PRKN: variants seen among roughly 807,000 people sequenced by gnomAD.
The protein encoded by PRKN is E3 ubiquitin-protein ligase parkin.
Under a neutral mutation model 59.5 loss-of-function variants are expected in PRKN, and 56 were observed. The ratio of observed to expected loss-of-function variants is 0.94; its 90% confidence interval spans 0.76 to 1.18. PRKN has a LOEUF of 1.18. Ranked by LOEUF, PRKN falls within the 50% of genes most tolerant of loss-of-function variation. PRKN has a pLI of 0.00. For missense variants in PRKN, 657 were observed against 596.4 expected, an observed-to-expected ratio of 1.10 and a Z score of -1.06; for synonymous variants, 250 against 222.1, an observed-to-expected ratio of 1.13 and a Z score of -1.12.
intron 2 of PRKN, among the ~76,000 whole-genome samples, chr6:162,266,298 TTGTGTGTGTGTGTGTGTGTG>T (rs60841593): frequency 2.7e-5 from 4 of 146,094 alleles, no homozygotes; most frequent in African/African-American, 1.0e-4. Flanking sequence ...TACATATATA[TTGTGTGTGTGTGTGTGTGTG>T]TGTGTGTGTG....
chr6:161,417,254 A>G lies in PRKN; in HGVS notation c.1084-30377T>C, dbSNP rs1307324462. On this transcript the variant is annotated intron_variant, in intron 9 of 11. Transcript: ENST00000366898. The surrounding 1 kb of genome is among the most constrained non-coding windows in gnomAD (Gnocchi z 5.4). ...ATCACGAGGTCAAGAGATCAAGACCATTCTGGTCAACATGGTGAAACCCTG... is the reference window on the plus strand; with the variant it reads ...ATCACGAGGTCAAGAGATCAAGACCGTTCTGGTCAACATGGTGAAACCCTG... Among the ~76,000 whole-genome samples the G allele has an allele frequency of 6.6e-6, 1 of 152,156 alleles. No homozygotes were observed. The highest frequency in any genetic ancestry group is 2.4e-5 in the African/African-American group (1 of 41,428).
Position 161,360,218 on chromosome 6 carries a change from A to C in PRKN, c.1168-13T>G. On this transcript the variant is annotated splice_polypyrimidine_tract_variant and intron_variant, in intron 10 of 11. Coordinates refer to ENST00000366898, the MANE Select transcript of PRKN (RefSeq NM_004562.3). The surrounding 1 kb of genome is among the most constrained non-coding windows in gnomAD (Gnocchi z 5.1). ...CGACTCTGTAGGCCTGGGGAAACAA[A>C]GAGGAAAGGCGTTTAATCTCAGCTT... 1 of 1,587,000 alleles carries C rather than the reference A, an allele frequency of 6.3e-7. No individual in the cohort carries two copies. The highest frequency in any genetic ancestry group is 1.1e-5 in the South Asian group (1 of 90,584).
At chr6:162,119,087 A>G (rs973096515) in intron 4 of PRKN, among the ~76,000 whole-genome samples, 1 of 152,220 alleles carries the variant, frequency 6.6e-6, no homozygotes, top group African/African-American at 2.4e-5. Context: ...TCTACTTCAG[A>G]ATAGATACCT....
intron 2 of PRKN, among the ~76,000 whole-genome samples, chr6:162,342,103 C>A (rs1406050589): frequency 6.6e-6 from 1 of 152,066 alleles, no homozygotes; most frequent in Non-Finnish European, 1.5e-5. Flanking sequence ...ATTGCTAAAT[C>A]CTCTTTGTGA....
chr6:162,262,846 C>T, intron 2 of PRKN, 81 bp from the exon 3 acceptor site: 1 of 1,551,054 alleles, frequency 6.4e-7, no homozygotes, highest in Non-Finnish European at 8.7e-7. Flanking sequence ...TTAACTTGCC[C>T]TCCGTGGTAG....
chr6:162,331,196 C>A (rs1292467813), intron 2 of PRKN, among the ~76,000 whole-genome samples: 1 of 151,028 alleles, frequency 6.6e-6, no homozygotes, highest in Admixed American at 6.6e-5. Flanking sequence ...CAGGAGAATT[C>A]TATCACAAGA....
intron 3 of PRKN, among the ~76,000 whole-genome samples, chr6:162,241,512 G>C (rs182480369): frequency 1.6e-4 from 25 of 152,134 alleles, no homozygotes; most frequent in Non-Finnish European, 2.9e-4. Flanking sequence ...AGTGGTTAAA[G>C]TGTTTTAAGA....
At chr6:162,223,869 T>C (rs1181195032) in intron 3 of PRKN, among the ~76,000 whole-genome samples, 1 of 152,148 alleles carries the variant, frequency 6.6e-6, no homozygotes, top group African/African-American at 2.4e-5. Flanking sequence ...CGTTTTGTAA[T>C]ATGAGATAGG....
At position 161,429,006 on chromosome 6, in the gene PRKN, G is replaced by T. The variant is rs1788523876; in HGVS notation, c.1084-42129C>A. On this transcript the variant is annotated intron_variant, in intron 9 of 11. Transcript: ENST00000366898. The surrounding 1 kb of genome is among the most constrained non-coding windows in gnomAD (Gnocchi z 4.2). ...CTCAGGTCAGCTGGTTCAAGAAGGG[G>T]GAAAGTTTTGCTCATGTCCAAGAGA... 6.6e-6 allele frequency among the ~76,000 whole-genome samples: 1 copy of T among 152,092 alleles called. No homozygotes were observed. Among genetic ancestry groups the T allele is most frequent in the Non-Finnish European group, 1.5e-5 (1 of 68,038 alleles).
At chr6:162,541,640 C>G (rs181386685) in intron 1 of PRKN, among the ~76,000 whole-genome samples, 86 of 152,258 alleles carry the variant, frequency 5.6e-4, no homozygotes, top group African/African-American at 1.9e-3. Context: ...GCCCAAAGAG[C>G]ATTCTCAGAA....
intron 6 of PRKN, among the ~76,000 whole-genome samples, chr6:161,861,942 C>T (rs1793921258): frequency 6.6e-6 from 1 of 152,190 alleles, no homozygotes; most frequent in Non-Finnish European, 1.5e-5. Flanking sequence ...TCTAACACGA[C>T]TGTGCTTGCT....
chr6:161,587,678 C>T (rs1781568150), intron 7 of PRKN, among the ~76,000 whole-genome samples: 1 of 151,794 alleles, frequency 6.6e-6, no homozygotes, highest in Non-Finnish European at 1.5e-5. Context: ...TTTTGGGAAA[C>T]AGGTAGTATC....
Position 161,879,341 on chromosome 6 carries a change from C to CTTTTTTTT in PRKN, c.735-93441_735-93434dup, listed in dbSNP as rs72163881. ...TGTATGGTCATTATGACATTTCTGC[C>CTTTTTTTT]TTTTTTTTTTTTTTTTTTTTGAGAT... On this transcript the variant is annotated intron_variant, in intron 6 of 11. Coordinates refer to ENST00000366898, the MANE Select transcript of PRKN (RefSeq NM_004562.3). Among the ~76,000 whole-genome samples, 6 of 112,258 alleles carry CTTTTTTTT rather than the reference C, an allele frequency of 5.3e-5. 1 individual carries two copies. Among genetic ancestry groups the CTTTTTTTT allele is most frequent in the African/African-American group, 2.2e-4 (6 of 27,804 alleles). The allele number at this position is 112,258 out of a possible 152,430, so 73.6% of individuals were successfully genotyped here.
rs1780491830 is a variant in PRKN, at chr6:161,562,450, A to G, written c.933+6905T>C. 1.3e-5 allele frequency among the ~76,000 whole-genome samples: 2 copies of G among 152,178 alleles called. No individual in the cohort carries two copies. The highest frequency in any genetic ancestry group is 4.1e-4 in the South Asian group (2 of 4,832). On this transcript the variant is annotated intron_variant, in intron 8 of 11. Coordinates refer to ENST00000366898, the MANE Select transcript of PRKN (RefSeq NM_004562.3). The surrounding 1 kb of genome is among the most constrained non-coding windows in gnomAD (Gnocchi z 4.3). ...ACTGGTGTTCCTTACGGTTCATCCA[A>G]TCACGGTCTCTCCTTTCTTGGCTTC... is the stretch of plus-strand genomic sequence containing the variant.
intron 3 of PRKN, among the ~76,000 whole-genome samples, chr6:162,255,948 G>A (rs1020623617): frequency 5.9e-5 from 9 of 152,112 alleles, no homozygotes; most frequent in Admixed American, 5.2e-4. Flanking sequence ...CCCCACTGAT[G>A]CACTGGGACT....
At position 161,348,941 on chromosome 6, in the gene PRKN, A is replaced by G. The variant is rs1459030812; in HGVS notation, c.*1158T>C. 3.5e-5 allele frequency: 7 copies of G among 202,342 alleles called. No homozygotes were observed. The highest frequency in any genetic ancestry group is 2.3e-5 in the African/African-American group (1 of 43,638). The allele number at this position is 202,342 out of a possible 1,614,324, so 12.5% of individuals were successfully genotyped here. A position where few individuals can be genotyped will look rare whatever the true frequency, so the allele number is the denominator to read the frequency against. On this transcript the variant is annotated 3_prime_UTR_variant, in exon 12 of 12. Transcript: ENST00000366898. The surrounding 1 kb of genome is among the most constrained non-coding windows in gnomAD (Gnocchi z 4.9). ...CTGAAATCCAATCCATGTCAACATA[A>G]GGAATATTCTAGTGAGTTTACTGTC...
chr6:161,354,533 G>T lies in PRKN; in HGVS notation c.1286-4322C>A, dbSNP rs1415466482. 6.6e-6 allele frequency among the ~76,000 whole-genome samples: 1 copy of T among 152,206 alleles called. No homozygotes were observed. Among genetic ancestry groups the T allele is most frequent in the Non-Finnish European group, 1.5e-5 (1 of 68,044 alleles). ...TGGAGCCAGAATTTCATCTGCTTGA[G>T]ATGGAAGTGAAGAAATTTCTGGAGA... On this transcript the variant is annotated intron_variant, in intron 11 of 11. Coordinates refer to ENST00000366898, the MANE Select transcript of PRKN (RefSeq NM_004562.3). The surrounding 1 kb of genome is among the most constrained non-coding windows in gnomAD (Gnocchi z 6.7).
intron 7 of PRKN, among the ~76,000 whole-genome samples, chr6:161,590,053 T>G (rs1212241054): frequency 6.6e-6 from 1 of 152,102 alleles, no homozygotes; most frequent in African/African-American, 2.4e-5. Context: ...CTTCCTGAAG[T>G]GCTGAGATTA....
intron 5 of PRKN, among the ~76,000 whole-genome samples, chr6:162,004,017 G>C (rs1210730806): frequency 6.6e-6 from 1 of 152,146 alleles, no homozygotes; most frequent in African/African-American, 2.4e-5. Flanking sequence ...TCGTCACACA[G>C]ATAAATTAGG....
Sources: gnomAD v4.1 joint callset for allele counts (sites outside exome capture counted in the v4.1 genomes callset) on GRCh38, gnomAD v4.1.1 for gene constraint, Gnocchi (gnomAD v3.1) non-coding constraint, MANE v1.5 for transcripts, NCBI Gene and HGNC (gene_info 2026-07-23, HGNC 2026-07-21) for gene names.